The following TBP variants were observed in gnomAD, a reference collection of about 807,000 sequenced individuals.
The protein encoded by TBP is TATA-box-binding protein.
TBP carries 12 observed loss-of-function variants against 46.2 expected under a neutral mutation model. The ratio of observed to expected loss-of-function variants is 0.26; its 90% confidence interval spans 0.17 to 0.42. TBP has a LOEUF of 0.42. Ranked by LOEUF, TBP falls within the 10% of genes least tolerant of loss-of-function variation. TBP has a pLI of 1.00. For synonymous variants in TBP, 157 were observed against 148.3 expected, an observed-to-expected ratio of 1.06 and a Z score of -0.42; for missense variants, 229 against 403.1, an observed-to-expected ratio of 0.57 and a Z score of 3.70.
intron 6 of TBP, 130 bp downstream of exon 6, chr6:170,569,909 C>A: frequency 1.2e-6 from 1 of 837,384 alleles, no homozygotes; most frequent in Non-Finnish European, 1.8e-6. Context: ...TGTATGTATT[C>A]TTGCATTGTC....
chr6:170,562,071 A>C lies in TBP; in HGVS notation c.335A>C (p.Gln112Pro), dbSNP rs1399553263. The C allele has an allele frequency of 9.9e-6, 16 of 1,613,910 alleles. No individual in the cohort carries two copies. Among genetic ancestry groups the C allele is most frequent in the Admixed American group, 1.7e-5 (1 of 59,988 alleles). ...VQQSTSQQATQGTSGQAPQLF... is the reference protein window; with the variant it reads ...VQQSTSQQATPGTSGQAPQLF... ...CAGTCAACGTCCCAGCAGGCAACAC[A>C]GGGAACCTCAGGCCAGGCACCACAG... Residue 112 changes from glutamine to proline, a missense_variant, in exon 3 of 8, where the codon CAG becomes CCG. Gln to Pro is a moderately conservative substitution (Grantham distance 76). Transcript: ENST00000392092.
chr6:170,563,589 ACATT>A (rs896278068), intron 3 of TBP, among the ~76,000 whole-genome samples: 38 of 152,238 alleles, frequency 2.5e-4, no homozygotes, highest in African/African-American at 8.9e-4. Context: ...GGAAATGAAA[ACATT>A]CATTGTGTGG....
chr6:170,559,568 G>A (rs1326629942), intron 2 of TBP, among the ~76,000 whole-genome samples: 2 of 152,354 alleles, frequency 1.3e-5, no homozygotes, highest in East Asian at 3.9e-4. Context: ...GCTGAGAGCG[G>A]AGAGGAAGCT....
At chr6:170,566,209 G>A (rs1321350772) in intron 4 of TBP, among the ~76,000 whole-genome samples, 1 of 152,126 alleles carries the variant, frequency 6.6e-6, no homozygotes, top group Admixed American at 6.5e-5. Flanking sequence ...TTGTTTCAAA[G>A]TAATTATTTG....
At chr6:170,566,534 T>C (rs1398210889) in intron 4 of TBP, among the ~76,000 whole-genome samples, 1 of 122,770 alleles carries the variant, frequency 8.1e-6, no homozygotes, top group African/African-American at 3.6e-5. Flanking sequence ...AAAATTCATA[T>C]TAATAAAACA....
chr6:170,560,776 A>G (rs1779125048), intron 2 of TBP, among the ~76,000 whole-genome samples: 1 of 152,228 alleles, frequency 6.6e-6, no homozygotes, highest in African/African-American at 2.4e-5. Flanking sequence ...AATTGCTGCA[A>G]TTTTTTGATA....
In TBP at chr6:170,567,029, T is replaced by G; in HGVS notation, c.677+20T>G. ...CAAGAGGTAGCCGTAAGAAATTCAT[T>G]CTTCTGGTCTATGGGTTATGAATGA... On this transcript the variant is annotated intron_variant, in intron 5 of 7. Coordinates refer to ENST00000392092, the MANE Select transcript of TBP (RefSeq NM_003194.5). 1.2e-6 allele frequency: 2 copies of G among 1,603,912 alleles called. No individual in the cohort carries two copies. The highest frequency in any genetic ancestry group is 2.2e-5 in the South Asian group (2 of 89,900).
At chr6:170,569,013 A>G (rs1180249918) in intron 5 of TBP, among the ~76,000 whole-genome samples, 2 of 151,462 alleles carry the variant, frequency 1.3e-5, no homozygotes, top group Non-Finnish European at 2.9e-5. Context: ...GGGTTTCACC[A>G]TGTTGACCAA....
rs1348161234 is a variant in TBP at position 170,561,959 on chromosome 6, CA to C, written c.224del (p.Gln75ArgfsTer69). ...QQQQQQQQQQ[Q>X]QQQQQQQQQQ... The stretch of plus-strand genomic sequence containing the variant: ...GCAGCAGCAGCAGCAGCAACAGCAA[CA>C]GCAGCAGCAGCAGCAGCAGCAGCAG... On this transcript the variant is annotated frameshift_variant, in exon 3 of 8. Transcript: ENST00000392092. LOFTEE classifies it high-confidence loss of function. 3.8e-6 allele frequency: 1 copy of C among 261,726 alleles called. No homozygotes were observed. The highest frequency in any genetic ancestry group is 1.4e-4 in the East Asian group (1 of 7,172). 16.2% of individuals were successfully genotyped at this position (261,726 alleles called of 1,614,324 possible). A position where few individuals can be genotyped will look rare whatever the true frequency, so the allele number is the denominator to read the frequency against.
intron 4 of TBP, among the ~76,000 whole-genome samples, chr6:170,566,645 T>G (rs1779254124): frequency 6.6e-6 from 1 of 152,236 alleles, no homozygotes; most frequent in South Asian, 2.1e-4. Flanking sequence ...TGCAAACATT[T>G]CTCTTGATGG....
rs150374643 is a variant in TBP at position 170,565,861 on chromosome 6, C to A, written c.586-1057C>A. 4.5e-3 allele frequency among the ~76,000 whole-genome samples: 679 copies of A among 152,116 alleles called. 7 individuals carry two copies. The highest frequency in any genetic ancestry group is 0.015 in the African/African-American group (643 of 41,498). On this transcript the variant is annotated intron_variant, in intron 4 of 7. Transcript: ENST00000392092. The stretch of plus-strand genomic sequence containing the variant: ...GCCAAGGTGGGAGGATCACTTGAGG[C>A]CAACAGTTCAAGACGAGCCTGGGCA...
intron 6 of TBP, 106 bp from the exon 7 acceptor site, chr6:170,571,304 T>G (rs966542075): frequency 1.3e-6 from 1 of 744,244 alleles, no homozygotes; most frequent in African/African-American, 1.8e-5. Context: ...GTGTTTTACC[T>G]CTTGACTAGT....
intron 3 of TBP, among the ~76,000 whole-genome samples, chr6:170,562,526 C>A (rs1406353087): frequency 1.3e-5 from 2 of 152,022 alleles, no homozygotes; most frequent in African/African-American, 2.4e-5. Flanking sequence ...ATAGACATTT[C>A]CCTGTATCTG....
chr6:170,572,348 G>A lies in TBP; in HGVS notation c.*83G>A, dbSNP rs933288628. The A allele has an allele frequency of 3.3e-5, 38 of 1,146,336 alleles. No individual in the cohort carries two copies. The Admixed American group carries it at 7.7e-4, about 23-fold the overall frequency. The allele number at this position is 1,146,336 out of a possible 1,614,324, so 71.0% of individuals were successfully genotyped here. On this transcript the variant is annotated 3_prime_UTR_variant, in exon 8 of 8. Transcript: ENST00000392092. ...CAGTTTGTTTTGGTACCTTTAAATG[G>A]TGGTGTTGTGAGAAGATGGATGTTG...
chr6:170,562,310 A>G (rs1779165364), intron 3 of TBP, 77 bp downstream of exon 3: 1 of 1,446,690 alleles, frequency 6.9e-7, no homozygotes, highest in African/African-American at 1.4e-5. Flanking sequence ...TTTCAGATGG[A>G]TCCTTTTATT....
Position 170,572,395 on chromosome 6 carries a change from G to C in TBP, c.*130G>C. 1 of 767,598 alleles carries C rather than the reference G, an allele frequency of 1.3e-6. No individual in the cohort carries two copies. The highest frequency in any genetic ancestry group is 2.1e-6 in the Non-Finnish European group (1 of 466,714). 47.5% of individuals were successfully genotyped at this position (767,598 alleles called of 1,614,324 possible). A position where few individuals can be genotyped will look rare whatever the true frequency, so the allele number is the denominator to read the frequency against. The stretch of plus-strand genomic sequence containing the variant: ...GTTGAGTTGCAGGGTGTGGCACCAG[G>C]TGATGCCCTTCTGTAAGTGCCCACC... On this transcript the variant is annotated 3_prime_UTR_variant, in exon 8 of 8. Transcript: ENST00000392092.
intron 1 of TBP, among the ~76,000 whole-genome samples, chr6:170,556,443 TTTAC>T (rs757637981): frequency 6.6e-6 from 1 of 152,142 alleles, no homozygotes; most frequent in Non-Finnish European, 1.5e-5. Flanking sequence ...GAATTTGATA[TTTAC>T]TTAATTTTTT....
intron 6 of TBP, 116 bp from the exon 7 acceptor site, chr6:170,571,292 CTG>C (rs1779362226): frequency 1.6e-5 from 11 of 686,060 alleles, no homozygotes; most frequent in Admixed American, 2.8e-5. Flanking sequence ...GCTTGAAGAA[CTG>C]TGTTTTACCT....
At chr6:170,569,314 C>G (rs771898807) in intron 5 of TBP, among the ~76,000 whole-genome samples, 1 of 152,138 alleles carries the variant, frequency 6.6e-6, no homozygotes, top group Non-Finnish European at 1.5e-5. Flanking sequence ...AATGCATGGG[C>G]TAAAATACAG....
Sources: gnomAD v4.1 joint callset for allele counts (sites outside exome capture counted in the v4.1 genomes callset) on GRCh38, gnomAD v4.1.1 for gene constraint, MANE v1.5 for transcripts, NCBI Gene and HGNC (gene_info 2026-07-23, HGNC 2026-07-21) for gene names.